Variants in LDB2 observed in about 807,000 individuals in gnomAD.
LDB2 encodes the protein LIM domain-binding protein 2.
A neutral mutation model predicts 44.3 loss-of-function variants in LDB2; 12 were observed. That is an observed-to-expected ratio of 0.27 (90% CI 0.17 to 0.44). The LOEUF (loss-of-function observed/expected upper bound fraction) is 0.44, where lower values mean the gene tolerates loss of function less well. Ranked by LOEUF, LDB2 falls within the 20% of genes least tolerant of loss-of-function variation. The probability of loss-of-function intolerance (pLI) is 1.00; values close to 1 mark genes in which losing one functional copy is unlikely to be tolerated. For missense variants in LDB2, 344 were observed against 473.5 expected (o/e 0.73, Z 2.54); for synonymous variants, 164 against 174.8 (o/e 0.94, Z 0.49).
intron 5 of LDB2, among the ~76,000 whole-genome samples, chr4:16,564,246 C>T (rs895868055): frequency 2.6e-5 from 4 of 152,150 alleles, no homozygotes; most frequent in African/African-American, 9.7e-5. Context: ...GTCCCAGCCT[C>T]AGTCCCCAGG....
At chr4:16,897,814 C>T (rs1725485821) in intron 1 of LDB2, among the ~76,000 whole-genome samples, 1 of 150,868 alleles carries the variant, frequency 6.6e-6, no homozygotes, top group Non-Finnish European at 1.5e-5. Context: ...TACTCTTCTG[C>T]CCCTTTTTAC....
chr4:16,721,218 A>G (rs1758209083), intron 2 of LDB2, among the ~76,000 whole-genome samples: 2 of 152,176 alleles, frequency 1.3e-5, no homozygotes, highest in Admixed American at 1.3e-4. Flanking sequence ...ATAGCCTCCC[A>G]TGAGGGTATA....
At chr4:16,554,526 T>C (rs1347974060) in intron 5 of LDB2, among the ~76,000 whole-genome samples, 2 of 152,178 alleles carry the variant, frequency 1.3e-5, no homozygotes, top group Admixed American at 6.5e-5. Flanking sequence ...CTTGGCTACA[T>C]GTTGGAATCA....
chr4:16,536,546 A>G (rs1427423257), intron 5 of LDB2, among the ~76,000 whole-genome samples: 1 of 152,220 alleles, frequency 6.6e-6, no homozygotes, highest in Non-Finnish European at 1.5e-5. Flanking sequence ...GCTGGGTGAG[A>G]AAAGGAGCCA....
chr4:16,789,741 C>T (rs1053475977), intron 1 of LDB2, among the ~76,000 whole-genome samples: 3 of 152,130 alleles, frequency 2.0e-5, no homozygotes, highest in East Asian at 3.9e-4. Flanking sequence ...ACCATCCTGG[C>T]CAATATGGTG....
At chr4:16,534,415 C>G (rs887165533) in intron 5 of LDB2, among the ~76,000 whole-genome samples, 2 of 152,136 alleles carry the variant, frequency 1.3e-5, no homozygotes, top group African/African-American at 4.8e-5. Flanking sequence ...CTCCTAAACA[C>G]CCCGAGCTGG....
intron 2 of LDB2, among the ~76,000 whole-genome samples, chr4:16,696,692 G>A (rs553001158): frequency 6.6e-6 from 1 of 152,232 alleles, no homozygotes; most frequent in South Asian, 2.1e-4. Context: ...GTGTTATTTT[G>A]TGCAAATTAT....
At chr4:16,502,969 C>T in intron 7 of LDB2, 96 bp from the exon 8 acceptor site, 1 of 1,601,424 alleles carries the variant, frequency 6.2e-7, no homozygotes, top group Non-Finnish European at 8.5e-7. Context: ...CTAGGACAGA[C>T]ACACTCGTGT....
In LDB2 at chr4:16,835,120, A is replaced by G. The variant is rs777018873; in HGVS notation, c.132+63234T>C. On this transcript the variant is annotated intron_variant, in intron 1 of 7. Transcript: ENST00000304523. ...ACAGACATATCTTACATTCAAGAAT[A>G]GAGGCCTTAATTTCATAAATCAAGG... is the stretch of plus-strand genomic sequence containing the variant. Among the ~76,000 whole-genome samples the G allele has an allele frequency of 3.7e-4, 57 of 152,364 alleles. 1 individual carries two copies. The highest frequency in any genetic ancestry group is 1.9e-3 in the South Asian group (9 of 4,832).
chr4:16,659,679 A>G (rs368711628), intron 2 of LDB2, among the ~76,000 whole-genome samples: 53,037 of 146,676 alleles, frequency 0.36, 11,671 homozygotes, highest in Middle Eastern at 0.58. Flanking sequence ...GTGTATATAT[A>G]TATATATATA....
chr4:16,641,767 T>C (rs948651341), intron 2 of LDB2, among the ~76,000 whole-genome samples: 2 of 152,028 alleles, frequency 1.3e-5, no homozygotes, highest in Non-Finnish European at 2.9e-5. Flanking sequence ...GGGGGACACA[T>C]ATACAAACTA....
At position 16,612,126 on chromosome 4, in the gene LDB2, A is replaced by G. The variant is rs542699771; in HGVS notation, c.236-16251T>C. ...CTTCTGAATGACTCCTGGGTAAATA[A>G]TGAAATTAAGGCAGAAATCAAAAAG... On this transcript the variant is annotated intron_variant, in intron 2 of 7. Coordinates refer to ENST00000304523, the MANE Select transcript of LDB2 (RefSeq NM_001290.5). 2.1e-3 allele frequency among the ~76,000 whole-genome samples: 313 copies of G among 152,330 alleles called. 1 individual carries two copies. Among genetic ancestry groups the G allele is most frequent in the Non-Finnish European group, 3.4e-3 (233 of 68,022 alleles).
rs183653968 is a variant in LDB2, at chr4:16,857,353, G to T, written c.132+41001C>A. ...TACTCACATCCAAGCCACCATCCTT[G>T]CTAGTCTGAACTGAAAAAGTCTCCA... On this transcript the variant is annotated intron_variant, in intron 1 of 7. Coordinates refer to ENST00000304523, the MANE Select transcript of LDB2 (RefSeq NM_001290.5). 2.5e-3 allele frequency among the ~76,000 whole-genome samples: 382 copies of T among 152,220 alleles called. 3 individuals are homozygous for T. The highest frequency in any genetic ancestry group is 2.6e-3 in the Non-Finnish European group (174 of 68,014).
chr4:16,734,237 C>T (rs144969232), intron 2 of LDB2, among the ~76,000 whole-genome samples: 225 of 152,268 alleles, frequency 1.5e-3, no homozygotes, highest in African/African-American at 5.1e-3. Context: ...CTAGTTAAGT[C>T]AGTTTTTGGA....
chr4:16,833,880 GC>G (rs1034957908), intron 1 of LDB2, among the ~76,000 whole-genome samples: 9 of 152,198 alleles, frequency 5.9e-5, no homozygotes, highest in Admixed American at 3.9e-4. Flanking sequence ...CAGCTCCGCA[GC>G]CCTTTGCTGC....
intron 2 of LDB2, among the ~76,000 whole-genome samples, chr4:16,751,686 T>C (rs1271763382): frequency 2.0e-5 from 3 of 152,230 alleles, no homozygotes; most frequent in Non-Finnish European, 4.4e-5. Context: ...AAATCAAAAG[T>C]AAATTTAAAA....
chr4:16,825,328 A>G (rs531873650), intron 1 of LDB2, among the ~76,000 whole-genome samples: 16 of 152,292 alleles, frequency 1.1e-4, no homozygotes, highest in African/African-American at 3.6e-4. Flanking sequence ...TGGCAATTCT[A>G]AGACAGAAGC....
chr4:16,804,210 T>C (rs1156448549), intron 1 of LDB2, among the ~76,000 whole-genome samples: 1 of 152,154 alleles, frequency 6.6e-6, no homozygotes, highest in African/African-American at 2.4e-5. Context: ...CTCAAACTCA[T>C]GGGCTCAGCC....
At chr4:16,553,209 C>T (rs940492469) in intron 5 of LDB2, among the ~76,000 whole-genome samples, 1 of 152,184 alleles carries the variant, frequency 6.6e-6, no homozygotes, top group Non-Finnish European at 1.5e-5. Context: ...GGCTGGAGTG[C>T]AGTAGCAATC....
Sources: gnomAD v4.1 joint callset for allele counts (sites outside exome capture counted in the v4.1 genomes callset) on GRCh38, gnomAD v4.1.1 for gene constraint, MANE v1.5 for transcripts, NCBI Gene and HGNC (gene_info 2026-07-23, HGNC 2026-07-21) for gene names.